ARHGEF28: variants seen among roughly 807,000 people sequenced by gnomAD.
The protein encoded by ARHGEF28 is 190 kDa guanine nucleotide exchange factor.
Under a neutral mutation model 206.6 loss-of-function variants are expected in ARHGEF28, and 152 were observed. That is an observed-to-expected ratio of 0.74 (90% CI 0.64 to 0.84). ARHGEF28 has a LOEUF of 0.84. ARHGEF28 is among the 40% of genes least tolerant of loss of function. The pLI is 0.00. For missense variants in ARHGEF28, 2,028 were observed against 2,073.2 expected (o/e 0.98, Z 0.42); for synonymous variants, 763 against 776.4 (o/e 0.98, Z 0.29).
At chr5:73,745,026 C>T (rs1245477058) in intron 2 of ARHGEF28, among the ~76,000 whole-genome samples, 2 of 152,064 alleles carry the variant, frequency 1.3e-5, no homozygotes, top group Admixed American at 6.5e-5. Flanking sequence ...CAGATTCTTC[C>T]CTTGGTTAAG....
chr5:73,930,255 C>T (rs1374345174), intron 35 of ARHGEF28, among the ~76,000 whole-genome samples: 1 of 152,206 alleles, frequency 6.6e-6, no homozygotes, highest in Non-Finnish European at 1.5e-5. Context: ...AGATCTTACC[C>T]AGCTCATAGC....
intron 10 of ARHGEF28, among the ~76,000 whole-genome samples, chr5:73,837,739 C>T (rs1028718174): frequency 7.5e-5 from 11 of 147,516 alleles, no homozygotes; most frequent in Non-Finnish European, 1.2e-4. Flanking sequence ...TTCTTTCTTT[C>T]GTTTTGTTTT....
intron 1 of ARHGEF28, among the ~76,000 whole-genome samples, chr5:73,677,174 G>C (rs1746751410): frequency 6.6e-6 from 1 of 152,270 alleles, no homozygotes; most frequent in Admixed American, 6.5e-5. Flanking sequence ...GCTTGCGTAA[G>C]CTTTATTTTC....
At chr5:73,854,148 A>G (rs1158947918) in intron 14 of ARHGEF28, among the ~76,000 whole-genome samples, 3 of 149,058 alleles carry the variant, frequency 2.0e-5, no homozygotes, top group African/African-American at 7.4e-5. Context: ...CATCTCACCC[A>G]CTCTATTCCT....
At chr5:73,770,171 T>C (rs1753144146) in intron 4 of ARHGEF28, among the ~76,000 whole-genome samples, 1 of 152,250 alleles carries the variant, frequency 6.6e-6, no homozygotes, top group Admixed American at 6.5e-5. Context: ...CTTTGACCTG[T>C]GCTGTTTTTG....
At chr5:73,878,712 A>G (rs1039412726) in intron 22 of ARHGEF28, among the ~76,000 whole-genome samples, 6 of 151,290 alleles carry the variant, frequency 4.0e-5, no homozygotes, top group East Asian at 3.9e-4. Context: ...ATGAAATTCT[A>G]GGTTGAAAAT....
At chr5:73,789,840 A>AAAG (rs1754367377) in intron 7 of ARHGEF28, among the ~76,000 whole-genome samples, 1 of 152,114 alleles carries the variant, frequency 6.6e-6, no homozygotes, top group African/African-American at 2.4e-5. Flanking sequence ...CCCCAAACTA[A>AAAG]GAAATCCCAA....
intron 4 of ARHGEF28, among the ~76,000 whole-genome samples, chr5:73,771,786 G>A (rs925118261): frequency 3.9e-5 from 6 of 152,098 alleles, no homozygotes; most frequent in Admixed American, 6.5e-5. Flanking sequence ...TTTATTCAAA[G>A]GAGTATAATG....
chr5:73,796,979 G>A (rs1754861225), intron 9 of ARHGEF28, among the ~76,000 whole-genome samples: 1 of 152,182 alleles, frequency 6.6e-6, no homozygotes, highest in Admixed American at 6.5e-5. Flanking sequence ...TAAACACTGA[G>A]ACGATCTTAA....
At chr5:73,664,374 G>T (rs1161708479) in intron 1 of ARHGEF28, among the ~76,000 whole-genome samples, 1 of 152,204 alleles carries the variant, frequency 6.6e-6, no homozygotes, top group East Asian at 1.9e-4. Flanking sequence ...ATGGAGTTGG[G>T]TGATTGGGAG....
At chr5:73,912,800 T>C (rs1040768848) in intron 35 of ARHGEF28, among the ~76,000 whole-genome samples, 1 of 152,240 alleles carries the variant, frequency 6.6e-6, no homozygotes, top group African/African-American at 2.4e-5. Context: ...AGAGAGCAGA[T>C]TGCAGAATTC....
chr5:73,736,526 T>C (rs1006384507), intron 2 of ARHGEF28, among the ~76,000 whole-genome samples: 4 of 152,222 alleles, frequency 2.6e-5, no homozygotes, highest in Non-Finnish European at 5.9e-5. Flanking sequence ...ACTTGGTACA[T>C]TCAAATGCAC....
chr5:73,780,087 C>T (rs183448312), intron 6 of ARHGEF28, among the ~76,000 whole-genome samples: 3 of 152,324 alleles, frequency 2.0e-5, no homozygotes, highest in African/African-American at 7.2e-5. Context: ...CACATTTTCA[C>T]TGGCTGTGGG....
intron 2 of ARHGEF28, among the ~76,000 whole-genome samples, chr5:73,717,361 A>T (rs1749646853): frequency 6.6e-6 from 1 of 152,056 alleles, no homozygotes; most frequent in Admixed American, 6.6e-5. Flanking sequence ...TGTCAGTTGG[A>T]TGGTTACCCT....
intron 16 of ARHGEF28, among the ~76,000 whole-genome samples, 197 bp downstream of exon 16, chr5:73,858,416 A>G (rs1056103893): frequency 2.2e-5 from 2 of 91,650 alleles, no homozygotes; most frequent in African/African-American, 1.1e-4. Context: ...TGAACCCCAG[A>G]TTTGTATGCC....
rs769463676 is a variant in ARHGEF28, at chr5:73,904,447, C to T, written c.4161+42C>T. 109 of 1,546,208 alleles carry T rather than the reference C, an allele frequency of 7.0e-5. 2 individuals carry two copies. Among genetic ancestry groups the T allele is most frequent in the South Asian group, 5.1e-4 (44 of 85,768 alleles). On this transcript the variant is annotated intron_variant, in intron 33 of 35. Coordinates refer to ENST00000513042, the MANE Select transcript of ARHGEF28 (RefSeq NM_001177693.2). The stretch of plus-strand genomic sequence containing the variant: ...AATCTTTGACCTTGTGAATGGTTCT[C>T]TTAATGCAATTCTCTTTGATGATTC...
intron 4 of ARHGEF28, 118 bp downstream of exon 4, chr5:73,753,320 T>C: frequency 8.9e-7 from 1 of 1,122,280 alleles, no homozygotes; most frequent in African/African-American, 1.6e-5. Flanking sequence ...ACCTGAACCT[T>C]GCTCTGATGT....
intron 35 of ARHGEF28, chr5:73,923,278 G>T: frequency 2.2e-6 from 2 of 924,336 alleles, no homozygotes; most frequent in Non-Finnish European, 3.0e-6. Flanking sequence ...CTGAGATAAA[G>T]CATGGTAAAA....
Position 73,909,837 on chromosome 5 carries a change from C to T in ARHGEF28, c.4587C>T (p.Gly1529=), listed in dbSNP as rs1762781363. The part of the protein sequence containing the change: ...ARMRAQQSLL[G]HWKHGRQRSL... ...TGCGGGCCCAGCAGAGCCTGCTGGG[C>T]CACTGGAAGCACGGCCGGCAGAGGA... The change falls in exon 34 of 36, where the codon GGC becomes GGT. Residue 1529 remains glycine (G), a synonymous_variant. Coordinates refer to ENST00000513042, the MANE Select transcript of ARHGEF28 (RefSeq NM_001177693.2). 1 of 1,539,644 alleles carries T rather than the reference C, an allele frequency of 6.5e-7. No individual in the cohort carries two copies. The highest frequency in any genetic ancestry group is 8.7e-7 in the Non-Finnish European group (1 of 1,155,068).
Sources: allele counts gnomAD v4.1 joint callset (sites outside exome capture counted in the v4.1 genomes callset), GRCh38; gene constraint gnomAD v4.1.1; transcripts MANE v1.5; gene names NCBI Gene and HGNC (gene_info 2026-07-23, HGNC 2026-07-21).